Variants in ACTR8 observed in about 807,000 individuals in gnomAD.
ACTR8 encodes actin related protein 8, also known as actin-related protein 8.
A neutral mutation model predicts 84.3 loss-of-function variants in ACTR8; 70 were observed. The ratio of observed to expected loss-of-function variants is 0.83; its 90% CI spans 0.68 to 1.01. ACTR8 has a LOEUF of 1.01. Among genes scored for constraint, ACTR8 ranks in the 50% least tolerant of loss-of-function variants. ACTR8 has a pLI of 0.00. For synonymous variants in ACTR8, 268 were observed against 275.2 expected (o/e 0.97, Z 0.26); for missense variants, 672 against 775.4 (o/e 0.87, Z 1.58).
chr3:53,868,727 C>G lies in ACTR8; in HGVS notation c.1867G>C (p.Val623Leu), dbSNP rs758113135. 9.3e-6 allele frequency: 15 copies of G among 1,613,936 alleles called. No homozygotes were observed. Among genetic ancestry groups the G allele is most frequent in the Non-Finnish European group, 1.3e-5 (15 of 1,179,982 alleles). The change falls in exon 13 of 13, where the codon GTG (valine) becomes CTG (leucine). Residue 623 changes from valine (V) to leucine (L), a missense_variant. Coordinates refer to ENST00000335754, the MANE Select transcript of ACTR8 (RefSeq NM_022899.5). ...TGACATTTCCTCCCCATTCACCACA[C>G]AAACGCAGCCCGCTCTCGTAACATG... The part of the protein sequence containing the change: ...VRMLRERAAF[V>L]W
chr3:53,876,503 A>G (rs1242609037), intron 6 of ACTR8, 117 bp downstream of exon 6: 1 of 686,636 alleles, frequency 1.5e-6, no homozygotes, highest in Non-Finnish European at 2.5e-6. Flanking sequence ...TGGGCGACAG[A>G]GAGAGACTCT....
At chr3:53,866,758 G>C (rs1699794538), downstream of ACTR8, among the ~76,000 whole-genome samples, 1 of 152,170 alleles carries the variant, frequency 6.6e-6, no homozygotes, top group Non-Finnish European at 1.5e-5. Context: ...AGGGATTACA[G>C]GTGTGAGCCA....
intron 1 of ACTR8, among the ~76,000 whole-genome samples, chr3:53,881,473 G>A (rs1401024855): frequency 6.6e-6 from 1 of 152,164 alleles, no homozygotes; most frequent in African/African-American, 2.4e-5. Flanking sequence ...TTAGACAAAT[G>A]TCCACCATTT....
Position 53,877,197 on chromosome 3 carries a change from T to C in ACTR8, c.684+17A>G, listed in dbSNP as rs1319705007. 8.9e-6 allele frequency: 14 copies of C among 1,579,016 alleles called. No homozygotes were observed. The highest frequency in any genetic ancestry group is 1.2e-5 in the Non-Finnish European group (14 of 1,164,600). On this transcript the variant is annotated intron_variant, in intron 5 of 12. Coordinates refer to ENST00000335754, the MANE Select transcript of ACTR8 (RefSeq NM_022899.5). ...GAATCTTAAAAACAATCCAAATAAC[T>C]GAGGATTTTAGCTCACCTTTAAATC... is the stretch of plus-strand genomic sequence containing the variant.
Position 53,871,236 on chromosome 3 carries a change from G to C in ACTR8, c.1563C>G (p.Cys521Trp). ...LDKAILHSIDCCSSDDTKKKM... is the reference protein window; with the variant it reads ...LDKAILHSIDWCSSDDTKKKM... ...GGTCTCCCCAGATGTGCTTACAACA[G>C]CAGTCTATGCTATGGAGGATGGCTT... is the stretch of plus-strand genomic sequence containing the variant. Residue 521 changes from cysteine (C) to tryptophan (W), a missense_variant, in exon 11 of 13, where the codon TGC becomes TGG. By Grantham distance (215) the Cys-to-Trp change is radical. Coordinates refer to ENST00000335754, the MANE Select transcript of ACTR8 (RefSeq NM_022899.5). The C allele has an allele frequency of 6.2e-7, 1 of 1,612,042 alleles. No individual in the cohort carries two copies. The highest frequency in any genetic ancestry group is 8.5e-7 in the Non-Finnish European group (1 of 1,178,160).
At position 53,879,947 on chromosome 3, in the gene ACTR8, C is replaced by T. The variant is rs928554394; in HGVS notation, c.286G>A (p.Gly96Arg). Residue 96 changes from glycine (G) to arginine (R), a missense_variant, in exon 2 of 13, where the codon GGA becomes AGA. Gly to Arg is a moderately radical substitution (Grantham distance 125). Coordinates refer to ENST00000335754, the MANE Select transcript of ACTR8 (RefSeq NM_022899.5). ...LYKDSWLLRE[G>R]LNKPESNEQR... The stretch of plus-strand genomic sequence containing the variant: ...GGTCGTTTTTGACTTACATTTAGTC[C>T]CTCCCTTAGGAGCCAACTGTCCTTG... The T allele has an allele frequency of 6.2e-6, 10 of 1,609,610 alleles. No homozygotes were observed. The African/African-American group carries it at 8.0e-5, about 13-fold the overall frequency.
At chr3:53,877,564 T>G in intron 4 of ACTR8, 83 bp downstream of exon 4, 1 of 1,438,516 alleles carries the variant, frequency 7.0e-7, no homozygotes, top group Non-Finnish European at 9.6e-7. Context: ...AGGAAACAAC[T>G]AGGACTGGGT....
chr3:53,880,871 CCTGA>C (rs1700046893), intron 1 of ACTR8, among the ~76,000 whole-genome samples: 2 of 152,226 alleles, frequency 1.3e-5, no homozygotes, highest in Non-Finnish European at 1.5e-5. Context: ...AGAAACCCTC[CCTGA>C]CTGTCGGGGA....
chr3:53,875,796 A>C, intron 7 of ACTR8, 152 bp downstream of exon 7: 1 of 1,168,580 alleles, frequency 8.6e-7, no homozygotes, highest in Non-Finnish European at 1.2e-6. Flanking sequence ...GCCTTGCTAG[A>C]ATATGCACTT....
rs149202945 is a variant in ACTR8, at chr3:53,877,747, C to A, written c.410G>T (p.Arg137Leu). 1 of 1,613,510 alleles carries A rather than the reference C, an allele frequency of 6.2e-7. No homozygotes were observed. Among genetic ancestry groups the A allele is most frequent in the Non-Finnish European group, 8.5e-7 (1 of 1,179,626 alleles). Residue 137 changes from arginine (R) to leucine (L), a missense_variant, in exon 4 of 13, where the codon CGC becomes CTC. Arg to Leu is a moderately radical substitution (Grantham distance 102). Coordinates refer to ENST00000335754, the MANE Select transcript of ACTR8 (RefSeq NM_022899.5). ...AGGTCGCATCTGCTTATTGTAGGAG[C>A]GTGCCTGAAAAGAAAAACCATCAGA... Reference protein sequence around the residue: ...RRIPVSPEQARSYNKQMRPAI... With the variant: ...RRIPVSPEQALSYNKQMRPAI...
In ACTR8 at chr3:53,870,407, C is replaced by G; in HGVS notation, c.1568-262G>C. 2.4e-6 allele frequency: 1 copy of G among 415,424 alleles called. No homozygotes were observed. The highest frequency in any genetic ancestry group is 3.5e-5 in the South Asian group (1 of 28,468). The allele number at this position is 415,424 out of a possible 1,614,324, so 25.7% of individuals were successfully genotyped here. Reference sequence around the variant, plus strand: ...GTGGCTCACGCCTGTAATCCCAGCACTTTGGGAGGCCAAGGCAGGCAGATC... The same window carrying G: ...GTGGCTCACGCCTGTAATCCCAGCAGTTTGGGAGGCCAAGGCAGGCAGATC... On this transcript the variant is annotated intron_variant, in intron 11 of 12. Transcript: ENST00000335754. The surrounding 1 kb of genome is among the most constrained non-coding windows in gnomAD (Gnocchi z 4.1).
chr3:53,868,554 T>G lies in ACTR8; in HGVS notation c.*165A>C. On this transcript the variant is annotated 3_prime_UTR_variant, in exon 13 of 13. Transcript: ENST00000335754. The stretch of plus-strand genomic sequence containing the variant: ...CTGACTAAACTGCTCAAAAGCAGTT[T>G]ATATTTTCAAACCAATGTCATGTCC... 1 of 1,103,802 alleles carries G rather than the reference T, an allele frequency of 9.1e-7. No individual in the cohort carries two copies. The highest frequency in any genetic ancestry group is 1.3e-6 in the Non-Finnish European group (1 of 790,398). The allele number at this position is 1,103,802 out of a possible 1,614,324, so 68.4% of individuals were successfully genotyped here.
rs1158332330 is a variant in ACTR8, at chr3:53,877,652, C to T, written c.505G>A (p.Glu169Lys). The change falls in exon 4 of 13, where the codon GAA (glutamate) becomes AAA (lysine). Residue 169 changes from glutamate (E) to lysine (K), a missense_variant. Physicochemically the swap from Glu to Lys is moderately conservative, Grantham distance 56. Transcript: ENST00000335754. ...TSHHPEYLVG[E>K]EALYVNPLDC... ...ATTGTAAAGAAGTTTCTTACCTCTT[C>T]TCCTACTAAATACTCAGGGTGATGA... The T allele has an allele frequency of 1.2e-6, 2 of 1,612,478 alleles. No individual in the cohort carries two copies. The highest frequency in any genetic ancestry group is 1.7e-6 in the Non-Finnish European group (2 of 1,179,028).
intron 1 of ACTR8, 79 bp downstream of exon 1, chr3:53,881,900 T>C: frequency 6.5e-7 from 1 of 1,543,716 alleles, no homozygotes; most frequent in Non-Finnish European, 8.7e-7. Context: ...ACTCGAAGCC[T>C]CCCGCCGCCT....
intron 5 of ACTR8, 137 bp from the exon 6 acceptor site, chr3:53,876,850 A>AC: frequency 2.0e-6 from 1 of 507,364 alleles, no homozygotes; most frequent in Non-Finnish European, 3.5e-6. Context: ...AAACCTCTGT[A>AC]CTATCCTTTG....
Position 53,874,353 on chromosome 3 carries a change from G to A in ACTR8, c.923C>T (p.Ala308Val), listed in dbSNP as rs1389535709. 1 of 1,612,828 alleles carries A rather than the reference G, an allele frequency of 6.2e-7. No individual in the cohort carries two copies. Among genetic ancestry groups the A allele is most frequent in the African/African-American group, 1.3e-5 (1 of 74,840 alleles). The change falls in exon 8 of 13, where the codon GCA becomes GTA. Residue 308 changes from alanine (A) to valine (V), a missense_variant. Coordinates refer to ENST00000335754, the MANE Select transcript of ACTR8 (RefSeq NM_022899.5). ...VSHRNTRLCL[A>V]YGGSDVSRCF... ...TCTTGACACATCAGATCCTCCGTATGCCAGACAAAGCCTAAAGTTAAGAGA... is the reference window on the plus strand; with the variant it reads ...TCTTGACACATCAGATCCTCCGTATACCAGACAAAGCCTAAAGTTAAGAGA...
At chr3:53,871,521 T>C (rs371628766) in intron 10 of ACTR8, 25 bp from the exon 11 acceptor site, 1 of 1,611,810 alleles carries the variant, frequency 6.2e-7, no homozygotes. Context: ...GACAATCAAG[T>C]ATGTGGTATT....
chr3:53,862,696 A>C (rs1277756997), downstream of ACTR8, among the ~76,000 whole-genome samples: 1 of 152,250 alleles, frequency 6.6e-6, no homozygotes, highest in African/African-American at 2.4e-5. Flanking sequence ...CAGCAGCATC[A>C]GAAAACAAAT....
At position 53,871,068 on chromosome 3, in the gene ACTR8, A is replaced by T. The variant is rs764203504; in HGVS notation, c.1567+164T>A. On this transcript the variant is annotated intron_variant, in intron 11 of 12. Coordinates refer to ENST00000335754, the MANE Select transcript of ACTR8 (RefSeq NM_022899.5). ...TTCCACTAGGCTATAAACCCATCCT[A>T]CTTCGTTAATGTATTCCCAACACCT... is the stretch of plus-strand genomic sequence containing the variant. 9.2e-6 allele frequency: 9 copies of T among 982,212 alleles called. No individual in the cohort carries two copies. The East Asian group carries it at 2.1e-4, about 23-fold the overall frequency. 60.8% of individuals were successfully genotyped at this position (982,212 alleles called of 1,614,324 possible). A position where few individuals can be genotyped will look rare whatever the true frequency, so the allele number is the denominator to read the frequency against.
Sources: allele counts gnomAD v4.1 joint callset (sites outside exome capture counted in the v4.1 genomes callset), GRCh38; gene constraint gnomAD v4.1.1; non-coding constraint Gnocchi (gnomAD v3.1); transcripts MANE v1.5; gene names NCBI Gene and HGNC (gene_info 2026-07-23, HGNC 2026-07-21).